Variants in DNMT3L observed in about 807,000 individuals in gnomAD.
DNMT3L encodes the protein DNA (cytosine-5)-methyltransferase 3-like.
DNMT3L carries 33 observed loss-of-function variants against 36.2 expected under a neutral mutation model. That is an observed-to-expected ratio of 0.91 (90% CI 0.69 to 1.22). DNMT3L has a LOEUF of 1.22. DNMT3L is among the 50% of genes most tolerant of loss of function. DNMT3L has a pLI of 0.00. For missense variants in DNMT3L, 310 were observed against 303.1 expected (o/e 1.02, Z -0.17); for synonymous variants, 117 against 121.7 (o/e 0.96, Z 0.26).
intron 7 of DNMT3L, 149 bp from the exon 8 acceptor site, chr21:44,254,854 C>A: frequency 2.6e-6 from 2 of 777,952 alleles, no homozygotes; most frequent in Non-Finnish European, 4.0e-6. Flanking sequence ...GAGATGGAGT[C>A]TCCCTCTGTC....
intron 8 of DNMT3L, among the ~76,000 whole-genome samples, chr21:44,253,524 C>G (rs1460347147): frequency 6.6e-6 from 1 of 152,168 alleles, no homozygotes; most frequent in African/African-American, 2.4e-5. Context: ...CAAGACCAGC[C>G]TGGCCAATAT....
At chr21:44,253,665 G>A (rs1230439420) in intron 8 of DNMT3L, among the ~76,000 whole-genome samples, 1 of 152,160 alleles carries the variant, frequency 6.6e-6, no homozygotes, top group East Asian at 1.9e-4. Context: ...GTTGCAGTGA[G>A]CCCAGATTGT....
At position 44,258,754 on chromosome 21, in the gene DNMT3L, C is replaced by A; in HGVS notation, c.345-60G>T. Reference sequence around the variant, plus strand: ...GACAGCCCACCTCTCCTGAGGATGGCAGAGGTGGGCCTGATTGAGCCTTGT... The same window carrying A: ...GACAGCCCACCTCTCCTGAGGATGGAAGAGGTGGGCCTGATTGAGCCTTGT... On this transcript the variant is annotated intron_variant, in intron 5 of 11. Coordinates refer to ENST00000628202, the MANE Select transcript of DNMT3L (RefSeq NM_175867.3). This position sits in a 1 kb window ranked among gnomAD's most constrained non-coding sequence, Gnocchi z 6.2. 6.4e-7 allele frequency: 1 copy of A among 1,572,468 alleles called. No homozygotes were observed. The highest frequency in any genetic ancestry group is 8.7e-7 in the Non-Finnish European group (1 of 1,155,694).
intron 7 of DNMT3L, 41 bp downstream of exon 7, chr21:44,256,026 G>A (rs2040255540): frequency 4.4e-6 from 7 of 1,606,572 alleles, no homozygotes; most frequent in Middle Eastern, 3.8e-4. Flanking sequence ...GGTGTTTAGA[G>A]GCATCTTTCC....
chr21:44,253,977 T>G (rs1013435774), intron 8 of DNMT3L, among the ~76,000 whole-genome samples: 11 of 151,878 alleles, frequency 7.2e-5, no homozygotes, highest in Non-Finnish European at 1.6e-4. Flanking sequence ...AAAGGCATGG[T>G]GGGGTGGGGA....
intron 7 of DNMT3L, 30 bp downstream of exon 7, chr21:44,256,037 A>C (rs75141318): frequency 1.2e-6 from 2 of 1,612,010 alleles, no homozygotes; most frequent in Middle Eastern, 1.7e-4. Flanking sequence ...GCATCTTTCC[A>C]TGTGTGTCTT....
intron 6 of DNMT3L, among the ~76,000 whole-genome samples, chr21:44,256,419 A>ATTTTTTTTTTTT (rs937821792): frequency 1.9e-5 from 2 of 103,776 alleles, no homozygotes; most frequent in African/African-American, 4.0e-5. Flanking sequence ...GGGTTTGCTG[A>ATTTTTTTTTTTT]TTTTTTTTTT....
intron 2 of DNMT3L, 82 bp from the exon 3 acceptor site, chr21:44,260,921 A>G: frequency 6.2e-7 from 1 of 1,605,030 alleles, no homozygotes; most frequent in South Asian, 1.1e-5. Flanking sequence ...GAGCATCACA[A>G]TTCGTTTTCC....
intron 3 of DNMT3L, among the ~76,000 whole-genome samples, chr21:44,260,381 A>G (rs1463475436): frequency 6.6e-6 from 1 of 152,198 alleles, no homozygotes; most frequent in Admixed American, 6.6e-5. Context: ...TAAATAAACT[A>G]AAATACATTA....
intron 3 of DNMT3L, 132 bp downstream of exon 3, chr21:44,260,663 G>A: frequency 8.7e-7 from 1 of 1,150,966 alleles, no homozygotes. Context: ...TCACTATGTT[G>A]CCTAGGCTGG....
At chr21:44,256,215 G>A in intron 6 of DNMT3L, 61 bp from the exon 7 acceptor site, 2 of 1,561,894 alleles carry the variant, frequency 1.3e-6, no homozygotes, top group East Asian at 2.2e-5. Flanking sequence ...GAGCCCTTGA[G>A]TTACAATGAA....
In DNMT3L at chr21:44,258,661, G is replaced by C. The variant is rs149547612; in HGVS notation, c.378C>G (p.Val126=). The change falls in exon 6 of 12, where the codon GTC becomes GTG. Residue 126 remains valine (V), a synonymous_variant. Transcript: ENST00000628202. This position sits in a 1 kb window ranked among gnomAD's most constrained non-coding sequence, Gnocchi z 6.2. The part of the protein sequence containing the change: ...CYCFECVDSL[V]GPGTSGKVHA... ...GCACCTTCCCCGAGGTCCCGGGGCC[G>C]ACCAGGCTATCCACACACTCGAAGC... The C allele has an allele frequency of 8.7e-6, 14 of 1,612,858 alleles. No homozygotes were observed. In the South Asian group the frequency reaches 1.4e-4, roughly 16 times the overall value.
intron 7 of DNMT3L, among the ~76,000 whole-genome samples, chr21:44,255,448 G>A (rs922073931): frequency 5.9e-5 from 9 of 151,510 alleles, no homozygotes; most frequent in Admixed American, 1.3e-4. Flanking sequence ...TTGAACCCGG[G>A]GGGCAGAGGT....
In DNMT3L at chr21:44,258,461, G is replaced by T. The variant is rs564105131; in HGVS notation, c.516+62C>A. The T allele has an allele frequency of 2.7e-6, 4 of 1,480,812 alleles. No individual in the cohort carries two copies. Among genetic ancestry groups the T allele is most frequent in the East Asian group, 2.5e-5 (1 of 39,716 alleles). The allele number at this position is 1,480,812 out of a possible 1,614,324, so 91.7% of individuals were successfully genotyped here. A position where few individuals can be genotyped will look rare whatever the true frequency, so the allele number is the denominator to read the frequency against. ...GCGCCTGCATTCTGCAGCGGGAACC[G>T]AGGGAAGGCCGTAAGTCAGGGCCTG... On this transcript the variant is annotated intron_variant, in intron 6 of 11. Transcript: ENST00000628202. This position sits in a 1 kb window ranked among gnomAD's most constrained non-coding sequence, Gnocchi z 6.2.
chr21:44,256,883 C>G (rs1264809476), intron 6 of DNMT3L, among the ~76,000 whole-genome samples: 1 of 152,246 alleles, frequency 6.6e-6, no homozygotes, highest in Admixed American at 6.5e-5. Context: ...AAAATACCTT[C>G]CCATCTGACC....
chr21:44,255,414 G>A (rs1183551138), intron 7 of DNMT3L, among the ~76,000 whole-genome samples: 2 of 151,838 alleles, frequency 1.3e-5, no homozygotes, highest in Non-Finnish European at 1.5e-5. Flanking sequence ...CCAGCTGCTC[G>A]GGAGGCTGAG....
In DNMT3L at chr21:44,254,649, C is replaced by T; in HGVS notation, c.661G>A (p.Val221Met). The change falls in exon 8 of 12, where the codon GTG becomes ATG. Residue 221 changes from valine to methionine, a missense_variant. Transcript: ENST00000628202. ...SGSDPGQLKH[V>M]VDVTDTVRKD... ...CTCACTGTGTCTGTGACATCAACCA[C>T]ATGCTTCAGTTGTCCCGGGTCAGAA... 6.2e-7 allele frequency: 1 copy of T among 1,614,046 alleles called. No homozygotes were observed. The highest frequency in any genetic ancestry group is 8.5e-7 in the Non-Finnish European group (1 of 1,179,982).
rs2146358638 is a variant in DNMT3L at position 44,258,865 on chromosome 21, C to A, written c.345-171G>T. ...AGGGAGACGGTCCTTCCTAGAGACG[C>A]AGAGTGACAGGAGCCGAGCCAGGTG... On this transcript the variant is annotated intron_variant, in intron 5 of 11. Coordinates refer to ENST00000628202, the MANE Select transcript of DNMT3L (RefSeq NM_175867.3). This position sits in a 1 kb window ranked among gnomAD's most constrained non-coding sequence, Gnocchi z 6.2. Among the ~76,000 whole-genome samples, 1 of 152,202 alleles carries A rather than the reference C, an allele frequency of 6.6e-6. No individual in the cohort carries two copies. Among genetic ancestry groups the A allele is most frequent in the Middle Eastern group, 3.4e-3 (1 of 294 alleles).
At chr21:44,254,857 C>T (rs1407652110) in intron 7 of DNMT3L, 152 bp from the exon 8 acceptor site, 2 of 759,398 alleles carry the variant, frequency 2.6e-6, no homozygotes, top group East Asian at 5.9e-5. Context: ...ATGGAGTCTC[C>T]CTCTGTCGCC....
Sources: gnomAD v4.1 joint callset for allele counts (sites outside exome capture counted in the v4.1 genomes callset) on GRCh38, gnomAD v4.1.1 for gene constraint, Gnocchi (gnomAD v3.1) non-coding constraint, MANE v1.5 for transcripts, NCBI Gene and HGNC (gene_info 2026-07-23, HGNC 2026-07-21) for gene names.